RECQL5: variants seen among roughly 807,000 people sequenced by gnomAD.
RECQL5 encodes ATP-dependent DNA helicase Q5.
In RECQL5, 88 loss-of-function variants were observed where a neutral mutation model predicts 103.4. The observed-to-expected ratio is 0.85, with a 90% CI of 0.72 to 1.02. The LOEUF is 1.02. RECQL5 is among the 50% of genes least tolerant of loss of function. The pLI, the probability that RECQL5 is intolerant of heterozygous loss-of-function variation, is 0.00. For synonymous variants in RECQL5, 552 were observed against 507.9 expected (o/e 1.09, Z -1.17); for missense variants, 1,232 against 1,284.3 (o/e 0.96, Z 0.62).
intron 14 of RECQL5, 105 bp downstream of exon 14, chr17:75,630,079 G>A: frequency 9.5e-7 from 1 of 1,050,662 alleles, no homozygotes; most frequent in Non-Finnish European, 1.4e-6. Context: ...GGCTGGGGAG[G>A]GTGAGTTCTG....
At chr17:75,662,076 G>A (rs1341258261) in intron 4 of RECQL5, among the ~76,000 whole-genome samples, 4 of 152,110 alleles carry the variant, frequency 2.6e-5, no homozygotes, top group Non-Finnish European at 5.9e-5. Context: ...CAGGAGAATC[G>A]CTTGAACCCA....
intron 6 of RECQL5, among the ~76,000 whole-genome samples, chr17:75,660,360 G>T (rs1468489142): frequency 7.2e-5 from 11 of 152,216 alleles, no homozygotes; most frequent in Admixed American, 6.5e-4. Flanking sequence ...GTGGACCACT[G>T]TGCCCGGCCA....
chr17:75,645,710 C>T (rs994074989), intron 8 of RECQL5, among the ~76,000 whole-genome samples: 3 of 152,192 alleles, frequency 2.0e-5, no homozygotes, highest in African/African-American at 4.8e-5. Context: ...GGGTCAGTGA[C>T]GCCCATGATA....
chr17:75,633,362 C>G, intron 8 of RECQL5: 10 of 1,140,978 alleles, frequency 8.8e-6, no homozygotes, highest in Non-Finnish European at 1.1e-5. Context: ...GGAGGCACAA[C>G]CAGGCAAATG....
chr17:75,654,252 CCTAA>C (rs2059589960), intron 7 of RECQL5, among the ~76,000 whole-genome samples: 1 of 152,140 alleles, frequency 6.6e-6, no homozygotes, highest in South Asian at 2.1e-4. Flanking sequence ...TTAATTCACC[CCTAA>C]CTGTCCTAAC....
At position 75,631,674 on chromosome 17, in the gene RECQL5, G is replaced by T. The variant is rs751991802; in HGVS notation, c.1230-6C>A. The T allele has an allele frequency of 1.9e-6, 3 of 1,610,054 alleles. No individual in the cohort carries two copies. Among genetic ancestry groups the T allele is most frequent in the Non-Finnish European group, 2.5e-6 (3 of 1,179,406 alleles). On this transcript the variant is annotated splice_polypyrimidine_tract_variant and splice_region_variant and intron_variant, in intron 8 of 19. Transcript: ENST00000317905. ...CAATGGCGGCATGGCGGCACCTGGA[G>T]CAGGCAGCACCGCAGAGGTGAGGGG...
At chr17:75,665,510 T>C (rs2059759092) in intron 2 of RECQL5, among the ~76,000 whole-genome samples, 1 of 151,942 alleles carries the variant, frequency 6.6e-6, no homozygotes, top group Non-Finnish European at 1.5e-5. Context: ...GCCAACATGG[T>C]GAAACTCTGT....
chr17:75,662,797 C>T lies in RECQL5; in HGVS notation c.453G>A (p.Leu151=). The T allele has an allele frequency of 6.2e-7, 1 of 1,614,146 alleles. No homozygotes were observed. Among genetic ancestry groups the T allele is most frequent in the Non-Finnish European group, 8.5e-7 (1 of 1,180,026 alleles). Residue 151 remains leucine, a synonymous_variant, in exon 4 of 20, where the codon CTG becomes CTA. Coordinates refer to ENST00000317905, the MANE Select transcript of RECQL5 (RefSeq NM_004259.7). Reference sequence around the variant, plus strand: ...GAGCTTCATCCACCACCAAGTAAGACAGCAGGTGGCGGGACACCAGGGAGT... The same window carrying T: ...GAGCTTCATCCACCACCAAGTAAGATAGCAGGTGGCGGGACACCAGGGAGT... The part of the protein sequence containing the change: ...TLNSLVSRHL[L]SYLVVDEAHC...
At chr17:75,665,397 T>C (rs1361739271) in intron 2 of RECQL5, among the ~76,000 whole-genome samples, 1 of 151,984 alleles carries the variant, frequency 6.6e-6, no homozygotes, top group East Asian at 1.9e-4. Flanking sequence ...AAAAACAAGA[T>C]TTAAAAAGTC....
At chr17:75,638,915 A>T (rs2059378824) in intron 8 of RECQL5, 1 of 152,292 alleles carries the variant, frequency 6.6e-6, no homozygotes, top group South Asian at 2.1e-4. Flanking sequence ...TACGAGGCAG[A>T]AGAGGGGGCA....
intron 7 of RECQL5, among the ~76,000 whole-genome samples, chr17:75,654,944 C>T (rs1385340522): frequency 6.6e-6 from 1 of 152,146 alleles, no homozygotes; most frequent in Non-Finnish European, 1.5e-5. Flanking sequence ...AGGTGCATAC[C>T]ACTACACCCA....
chr17:75,666,377 G>A, intron 2 of RECQL5, 51 bp downstream of exon 2: 1 of 1,603,472 alleles, frequency 6.2e-7, no homozygotes, highest in Non-Finnish European at 8.5e-7. Context: ...CTGCCGCAGC[G>A]TTATGGTATA....
chr17:75,664,070 A>AAAAAAG (rs1470413522), intron 3 of RECQL5, among the ~76,000 whole-genome samples: 1 of 149,214 alleles, frequency 6.7e-6, no homozygotes, highest in East Asian at 1.9e-4. Flanking sequence ...AAAAAAAAAA[A>AAAAAAG]AAAGAAAGAA....
intron 8 of RECQL5, among the ~76,000 whole-genome samples, chr17:75,644,268 G>C (rs1395680383): frequency 6.6e-6 from 1 of 152,104 alleles, no homozygotes. Context: ...TCACGCCACC[G>C]CACTCCAGCC....
chr17:75,635,040 T>G (rs2059292954), intron 8 of RECQL5, among the ~76,000 whole-genome samples: 1 of 152,202 alleles, frequency 6.6e-6, no homozygotes, highest in Admixed American at 6.5e-5. Context: ...CTACTCCTCC[T>G]GCCGCCCTGT....
chr17:75,629,774 G>T lies in RECQL5; in HGVS notation c.1881C>A (p.Cys627Ter). The change falls in exon 15 of 20, where the codon TGC becomes TGA. Residue 627 changes from cysteine to a stop codon, truncating the protein, a stop_gained. Transcript: ENST00000317905. LOFTEE classifies it high-confidence loss of function. ...GCTCCGGGGGCTCAGCTTGGGCACT[G>T]CAGCTCTTGGCACTGCCTCCCATGT... ...PYDMGGSAKSCSAQAEPPEPN... is the reference protein window; with the variant it reads ...PYDMGGSAKS 1 of 1,613,618 alleles carries T rather than the reference G, an allele frequency of 6.2e-7. No individual in the cohort carries two copies. Among genetic ancestry groups the T allele is most frequent in the Non-Finnish European group, 8.5e-7 (1 of 1,179,798 alleles).
chr17:75,662,861 G>C lies in RECQL5; in HGVS notation c.389C>G (p.Pro130Arg). The C allele has an allele frequency of 6.2e-7, 1 of 1,614,122 alleles. No homozygotes were observed. The highest frequency in any genetic ancestry group is 8.5e-7 in the Non-Finnish European group (1 of 1,180,020). Residue 130 changes from proline (P) to arginine (R), a missense_variant, in exon 4 of 20, where the codon CCA (proline) becomes CGA (arginine). Coordinates refer to ENST00000317905, the MANE Select transcript of RECQL5 (RefSeq NM_004259.7). ...GAAGGAGGATGAAGCTGCCATCTCT[G>C]GGGTGATGTACAGAATCTTGGTCTG... ...KPQTKILYITPEMAASSSFQP... is the reference protein window; with the variant it reads ...KPQTKILYITREMAASSSFQP...
intron 5 of RECQL5, 95 bp from the exon 6 acceptor site, chr17:75,661,161 A>T: frequency 2.2e-6 from 2 of 895,342 alleles, no homozygotes; most frequent in Non-Finnish European, 3.8e-6. Flanking sequence ...TAGGCACTTC[A>T]CAAACCCTGA....
At chr17:75,663,338 T>C (rs965054362) in intron 3 of RECQL5, among the ~76,000 whole-genome samples, 1 of 151,992 alleles carries the variant, frequency 6.6e-6, no homozygotes, top group Non-Finnish European at 1.5e-5. Flanking sequence ...TTTTAATAAT[T>C]TTGACATGAC....
Sources: gnomAD v4.1 joint callset for allele counts (sites outside exome capture counted in the v4.1 genomes callset) on GRCh38, gnomAD v4.1.1 for gene constraint, MANE v1.5 for transcripts, NCBI Gene and HGNC (gene_info 2026-07-23, HGNC 2026-07-21) for gene names.